Variants in MEI1 observed in about 807,000 individuals in gnomAD.
MEI1 encodes meiosis inhibitor protein 1.
In MEI1, 103 loss-of-function variants were observed where a neutral mutation model predicts 146.2. The ratio of observed to expected loss-of-function variants is 0.70; its 90% CI spans 0.60 to 0.83. MEI1 has a LOEUF of 0.83. MEI1 is among the 40% of genes least tolerant of loss of function. The pLI, the probability that MEI1 is intolerant of heterozygous loss-of-function variation, is 0.00. For missense variants in MEI1, 1,529 were observed against 1,533.0 expected (o/e 1.00, Z 0.04); for synonymous variants, 652 against 628.2 (o/e 1.04, Z -0.57).
intron 26 of MEI1, among the ~76,000 whole-genome samples, chr22:41,786,200 G>A (rs767425810): frequency 7.9e-5 from 12 of 152,120 alleles, no homozygotes; most frequent in Non-Finnish European, 1.6e-4. Context: ...GTGAGCCACC[G>A]CGCCCGGCCC....
intron 19 of MEI1, among the ~76,000 whole-genome samples, chr22:41,763,713 C>T (rs2074659744): frequency 6.6e-6 from 1 of 151,408 alleles, no homozygotes; most frequent in African/African-American, 2.4e-5. Flanking sequence ...CTGCCTCAGC[C>T]AGGAGTTCAA....
At chr22:41,752,071 GAAA>G (rs59389967) in intron 15 of MEI1, among the ~76,000 whole-genome samples, 3 of 134,774 alleles carry the variant, frequency 2.2e-5, no homozygotes, top group Admixed American at 7.5e-5. Context: ...TCCGTCTCAG[GAAA>G]AAAAAAAAAA....
rs146783886 is a variant in MEI1, at chr22:41,701,736, T to C, written c.175-1595T>C. Among the ~76,000 whole-genome samples the C allele has an allele frequency of 1.3e-3, 200 of 152,302 alleles. 2 individuals carry two copies. Among genetic ancestry groups the C allele is most frequent in the African/African-American group, 4.6e-3 (191 of 41,550 alleles). ...AATGAACATGTTTGTAGTCAAGTGC[T>C]GTTCAGGGTAAGGAGAGGAATTAGG... On this transcript the variant is annotated intron_variant, in intron 1 of 30. Transcript: ENST00000401548.
intron 26 of MEI1, among the ~76,000 whole-genome samples, chr22:41,791,610 A>T (rs901997995): frequency 6.6e-6 from 1 of 152,210 alleles, no homozygotes; most frequent in Non-Finnish European, 1.5e-5. Context: ...GGCCATCCTC[A>T]TACCCATGAG....
intron 27 of MEI1, 42 bp from the exon 28 acceptor site, chr22:41,794,329 G>A (rs1249030610): frequency 3.2e-6 from 5 of 1,550,512 alleles, no homozygotes; most frequent in Admixed American, 3.3e-5. Flanking sequence ...AATGTCCCAA[G>A]GCAAGGTCTT....
chr22:41,770,790 G>C lies in MEI1; in HGVS notation c.2373G>C (p.Glu791Asp). 1.9e-6 allele frequency: 3 copies of C among 1,613,948 alleles called. No homozygotes were observed. The highest frequency in any genetic ancestry group is 2.5e-6 in the Non-Finnish European group (3 of 1,179,896). The change falls in exon 20 of 31, where the codon GAG becomes GAC. Residue 791 changes from glutamate (E) to aspartate (D), a missense_variant. Glu to Asp is a conservative substitution (Grantham distance 45). Coordinates refer to ENST00000401548, the MANE Select transcript of MEI1 (RefSeq NM_152513.4). ...TCAGGTTCTTTCTGTTGTATCCAGA[G>C]CTCATGAGTAGGTATGGGCACCGTG... The part of the protein sequence containing the change: ...LLLRFFLLYP[E>D]LMSRYGHRVL...
At chr22:41,789,553 C>T (rs1451480420) in intron 26 of MEI1, among the ~76,000 whole-genome samples, 1 of 152,136 alleles carries the variant, frequency 6.6e-6, no homozygotes, top group Non-Finnish European at 1.5e-5. Flanking sequence ...AGTACATTCA[C>T]ATTGTTGTGC....
intron 20 of MEI1, 123 bp downstream of exon 20, chr22:41,771,084 C>T (rs1807498390): frequency 1.2e-5 from 13 of 1,087,802 alleles, no homozygotes; most frequent in Non-Finnish European, 1.7e-5. Context: ...TTATCACTGT[C>T]TGCATGTGAG....
intron 2 of MEI1, among the ~76,000 whole-genome samples, chr22:41,704,645 C>T (rs1220355495): frequency 6.6e-6 from 1 of 151,942 alleles, no homozygotes; most frequent in Admixed American, 6.6e-5. Context: ...AACTCCCAAC[C>T]TCAGGTGATC....
At chr22:41,752,390 G>A in intron 15 of MEI1, 1 of 583,034 alleles carries the variant, frequency 1.7e-6, no homozygotes, top group Non-Finnish European at 3.1e-6. Flanking sequence ...ACAACACCCT[G>A]TGAGGTACAA....
chr22:41,730,010 C>T (rs369339774), intron 8 of MEI1, among the ~76,000 whole-genome samples: 3 of 152,166 alleles, frequency 2.0e-5, no homozygotes, highest in African/African-American at 7.2e-5. Context: ...ACCAGGTAGG[C>T]AACAGGAAAC....
chr22:41,707,013 A>G (rs941640853), intron 3 of MEI1, among the ~76,000 whole-genome samples: 7 of 145,520 alleles, frequency 4.8e-5, no homozygotes, highest in Non-Finnish European at 9.1e-5. Context: ...CAACATGGTG[A>G]AACCCCATCT....
chr22:41,733,996 C>T (rs765882900), intron 11 of MEI1, among the ~76,000 whole-genome samples: 92 of 151,744 alleles, frequency 6.1e-4, no homozygotes, highest in Non-Finnish European at 1.0e-3. Context: ...GATGTGGTGT[C>T]ACACACCTGT....
chr22:41,741,006 G>A (rs903254184), intron 11 of MEI1, among the ~76,000 whole-genome samples: 2 of 152,100 alleles, frequency 1.3e-5, no homozygotes, highest in African/African-American at 4.8e-5. Flanking sequence ...CAACTCCCTG[G>A]TTCAAGCGAT....
At chr22:41,728,390 G>A (rs765313581) in intron 7 of MEI1, among the ~76,000 whole-genome samples, 4 of 152,174 alleles carry the variant, frequency 2.6e-5, no homozygotes, top group Non-Finnish European at 4.4e-5. Flanking sequence ...ATAAATTGAG[G>A]TTTATAGTAG....
intron 17 of MEI1, among the ~76,000 whole-genome samples, 167 bp from the exon 18 acceptor site, chr22:41,758,198 T>TGAACCTTGCTCAAAGGAAGAG (rs1290335219): frequency 6.6e-6 from 1 of 152,158 alleles, no homozygotes; most frequent in African/African-American, 2.4e-5. Context: ...CCCGGTAGGT[T>TGAACCTTGCTCAAAGGAAGAG]GAACCTTGCT....
At chr22:41,759,632 A>AAATAAATAAATAAATAAAT (rs1569268709) in intron 18 of MEI1, among the ~76,000 whole-genome samples, 1,801 of 135,598 alleles carry the variant, frequency 0.013, 65 homozygotes, top group African/African-American at 0.051. Context: ...TCCGTCTCAA[A>AAATAAATAAATAAATAAAT]AAATAAATAA....
At chr22:41,705,428 C>T (rs1285427672) in intron 2 of MEI1, 76 bp from the exon 3 acceptor site, 7 of 1,288,418 alleles carry the variant, frequency 5.4e-6, no homozygotes, top group Non-Finnish European at 7.9e-6. Flanking sequence ...ACCTCGGCCT[C>T]CCAAATTGCT....
intron 11 of MEI1, among the ~76,000 whole-genome samples, chr22:41,741,322 T>C (rs937891661): frequency 1.3e-5 from 2 of 152,220 alleles, no homozygotes; most frequent in African/African-American, 4.8e-5. Context: ...TAATTTATTA[T>C]AGCAGCCCTA....
Sources: allele counts gnomAD v4.1 joint callset (sites outside exome capture counted in the v4.1 genomes callset), GRCh38; gene constraint gnomAD v4.1.1; transcripts MANE v1.5; gene names NCBI Gene and HGNC (gene_info 2026-07-23, HGNC 2026-07-21).